The following KLHL32 variants were observed in gnomAD, a reference collection of about 807,000 sequenced individuals.
KLHL32 encodes kelch like family member 32, also known as kelch-like protein 32.
A neutral mutation model predicts 64.8 loss-of-function variants in KLHL32; 35 were observed. That is an observed-to-expected ratio of 0.54 (90% confidence interval 0.41 to 0.72). The LOEUF (loss-of-function observed/expected upper bound fraction) is 0.72. Ranked by LOEUF, KLHL32 falls within the 30% of genes least tolerant of loss-of-function variation. The pLI, the probability that KLHL32 is intolerant of heterozygous loss-of-function variation, is 0.00. For synonymous variants in KLHL32, 259 were observed against 281.0 expected (o/e 0.92, Z 0.78); for missense variants, 589 against 768.5 (o/e 0.77, Z 2.76).
intron 3 of KLHL32, among the ~76,000 whole-genome samples, chr6:97,015,704 A>G (rs1283325437): frequency 6.6e-6 from 1 of 152,220 alleles, no homozygotes; most frequent in Admixed American, 6.5e-5. Context: ...AGAAATTTGC[A>G]TAAGTAACAA....
chr6:96,983,649 A>G (rs1220348024), intron 3 of KLHL32, among the ~76,000 whole-genome samples: 1 of 152,108 alleles, frequency 6.6e-6, no homozygotes, highest in Non-Finnish European at 1.5e-5. Context: ...TTTCTTCTAG[A>G]TTTTCTAGTT....
chr6:97,003,517 T>C (rs1264566019), intron 3 of KLHL32, among the ~76,000 whole-genome samples: 1 of 152,226 alleles, frequency 6.6e-6, no homozygotes, highest in Non-Finnish European at 1.5e-5. Flanking sequence ...TTATAAATTT[T>C]TGGTTTTGTT....
At chr6:96,983,360 G>T (rs1177111354) in intron 3 of KLHL32, among the ~76,000 whole-genome samples, 1 of 152,294 alleles carries the variant, frequency 6.6e-6, no homozygotes, top group African/African-American at 2.4e-5. Flanking sequence ...TTGTGTCTCT[G>T]CCAGGCTTTG....
At chr6:97,101,132 C>G (rs569636173) in intron 6 of KLHL32, among the ~76,000 whole-genome samples, 3 of 152,056 alleles carry the variant, frequency 2.0e-5, no homozygotes, top group South Asian at 4.2e-4. Context: ...TGAATCAATT[C>G]ATGAACAAAT....
At chr6:97,042,711 C>T (rs181032986) in intron 4 of KLHL32, among the ~76,000 whole-genome samples, 1 of 152,160 alleles carries the variant, frequency 6.6e-6, no homozygotes, top group African/African-American at 2.4e-5. Flanking sequence ...AGTTACCATT[C>T]TGTGAAGTAG....
At chr6:97,069,082 A>G (rs1458351652) in intron 5 of KLHL32, among the ~76,000 whole-genome samples, 1 of 152,178 alleles carries the variant, frequency 6.6e-6, no homozygotes, top group Non-Finnish European at 1.5e-5. Context: ...ATGAAAGATC[A>G]TTTCCTCAGA....
At chr6:97,027,142 A>C (rs1782827994) in intron 3 of KLHL32, among the ~76,000 whole-genome samples, 2 of 149,692 alleles carry the variant, frequency 1.3e-5, no homozygotes, top group Admixed American at 1.3e-4. Flanking sequence ...AGCCTGGGCA[A>C]CAGAGGGAGA....
intron 3 of KLHL32, among the ~76,000 whole-genome samples, chr6:97,007,104 TTCTC>T (rs1014021331): frequency 1.3e-5 from 2 of 152,162 alleles, no homozygotes; most frequent in African/African-American, 4.8e-5. Flanking sequence ...GCTTGTTTTT[TTCTC>T]TCTCTCTTTT....
the KLHL32 span, among the ~76,000 whole-genome samples, chr6:96,909,260 G>GA: frequency 1.3e-5 from 2 of 152,126 alleles, no homozygotes; most frequent in Non-Finnish European, 2.9e-5. Context: ...GAGATAGACA[G>GA]AAAAAAGATA....
intron 1 of KLHL32, among the ~76,000 whole-genome samples, chr6:96,934,671 C>G (rs1478123695): frequency 6.6e-6 from 1 of 152,214 alleles, no homozygotes; most frequent in Non-Finnish European, 1.5e-5. Flanking sequence ...CAGAGAGCAG[C>G]TAATATCCTC....
intron 1 of KLHL32, among the ~76,000 whole-genome samples, chr6:96,925,798 GT>G (rs1181795983): frequency 3.9e-5 from 6 of 152,260 alleles, no homozygotes; most frequent in Middle Eastern, 3.4e-3. Context: ...TTGAAGCGCA[GT>G]TTTTTGCACC....
chr6:97,121,213 C>G (rs181149252), intron 7 of KLHL32, among the ~76,000 whole-genome samples: 1 of 152,322 alleles, frequency 6.6e-6, no homozygotes, highest in East Asian at 1.9e-4. Context: ...AGAATTTGAA[C>G]TCTGTGTCTC....
chr6:96,898,681 C>T, the KLHL32 span, among the ~76,000 whole-genome samples: 2 of 151,428 alleles, frequency 1.3e-5, no homozygotes, highest in South Asian at 4.2e-4. Flanking sequence ...AAGGAACAGA[C>T]AATAAGACGT....
chr6:96,927,939 G>A (rs1345821025), intron 1 of KLHL32, among the ~76,000 whole-genome samples: 3 of 152,198 alleles, frequency 2.0e-5, no homozygotes, highest in Non-Finnish European at 4.4e-5. Context: ...TATAAAGTGG[G>A]CATCTTATTT....
At chr6:97,071,671 G>T (rs966071987) in intron 5 of KLHL32, among the ~76,000 whole-genome samples, 11 of 152,070 alleles carry the variant, frequency 7.2e-5, no homozygotes, top group African/African-American at 1.7e-4. Context: ...CATCTTTCTA[G>T]TCACTCAAAC....
intron 3 of KLHL32, among the ~76,000 whole-genome samples, chr6:97,022,615 G>A (rs554145185): frequency 4.7e-5 from 7 of 150,038 alleles, no homozygotes; most frequent in Admixed American, 1.3e-4. Flanking sequence ...GATTACAGGC[G>A]CCTGCCACCA....
At chr6:96,979,771 A>G (rs1426133875) in intron 3 of KLHL32, among the ~76,000 whole-genome samples, 9 of 152,162 alleles carry the variant, frequency 5.9e-5, no homozygotes, top group Admixed American at 5.9e-4. Flanking sequence ...TTTTCACGAC[A>G]TTGATTCTTC....
At chr6:96,990,833 T>C (rs554263659) in intron 3 of KLHL32, among the ~76,000 whole-genome samples, 1 of 152,248 alleles carries the variant, frequency 6.6e-6, no homozygotes, top group Admixed American at 6.5e-5. Flanking sequence ...CTCTTCTCTT[T>C]AAGATGGCTG....
intron 3 of KLHL32, among the ~76,000 whole-genome samples, chr6:97,001,512 G>A (rs1191167564): frequency 2.0e-5 from 3 of 152,062 alleles, no homozygotes; most frequent in Admixed American, 2.0e-4. Flanking sequence ...TTATCACTCA[G>A]ACTGAAGTGC....
Sources: gnomAD v4.1 joint callset for allele counts (sites outside exome capture counted in the v4.1 genomes callset) on GRCh38, gnomAD v4.1.1 for gene constraint, MANE v1.5 for transcripts, NCBI Gene and HGNC (gene_info 2026-07-23, HGNC 2026-07-21) for gene names.